GCSAML: variants seen among roughly 807,000 people sequenced by gnomAD.
The protein encoded by GCSAML is germinal center-associated signaling and motility-like protein.
A neutral mutation model predicts 13.0 loss-of-function variants in GCSAML; 9 were observed. The observed-to-expected ratio is 0.69, with a 90% CI of 0.42 to 1.21. The LOEUF (loss-of-function observed/expected upper bound fraction) is 1.21. GCSAML is among the 50% of genes most tolerant of loss of function. GCSAML has a pLI of 0.00. For synonymous variants in GCSAML, 37 were observed against 52.9 expected (o/e 0.70, Z 1.31); for missense variants, 143 against 153.4 (o/e 0.93, Z 0.36).
chr1:247,557,914 C>G (rs1668008138), intron 2 of GCSAML, among the ~76,000 whole-genome samples: 1 of 152,212 alleles, frequency 6.6e-6, no homozygotes, highest in African/African-American at 2.4e-5. Flanking sequence ...TTAACTTACG[C>G]ATAAACTAGT....
In GCSAML at chr1:247,574,894, C is replaced by T. The variant is rs1465958254; in HGVS notation, c.*512C>T. The T allele has an allele frequency of 6.1e-6, 1 of 163,046 alleles. No homozygotes were observed. Among genetic ancestry groups the T allele is most frequent in the East Asian group, 1.7e-4 (1 of 5,754 alleles). The allele number at this position is 163,046 out of a possible 1,614,324, so 10.1% of individuals were successfully genotyped here. On this transcript the variant is annotated 3_prime_UTR_variant, in exon 5 of 5. Coordinates refer to ENST00000366488, the MANE Select transcript of GCSAML (RefSeq NM_145278.5). ...TGGCAATAAGAGTCCCAATTCCAACCTGACTCTGGTGTAGATCACACACTG... is the reference window on the plus strand; with the variant it reads ...TGGCAATAAGAGTCCCAATTCCAACTTGACTCTGGTGTAGATCACACACTG...
At chr1:247,510,516 CTGAGT>C (rs1028403050) in intron 1 of GCSAML, among the ~76,000 whole-genome samples, 4 of 152,092 alleles carry the variant, frequency 2.6e-5, no homozygotes, top group Admixed American at 2.0e-4. Flanking sequence ...TAGTTCTGCT[CTGAGT>C]TATTTCTTGT....
intron 2 of GCSAML, among the ~76,000 whole-genome samples, chr1:247,561,919 G>A (rs1174480815): frequency 6.6e-6 from 1 of 152,156 alleles, no homozygotes; most frequent in African/African-American, 2.4e-5. Flanking sequence ...ACGGAGGGTT[G>A]CAGCAGGACC....
At chr1:247,557,360 GA>G (rs1181469212) in intron 2 of GCSAML, among the ~76,000 whole-genome samples, 2 of 151,570 alleles carry the variant, frequency 1.3e-5, no homozygotes, top group East Asian at 3.9e-4. Flanking sequence ...ATGGAAAAAA[GA>G]AAAAAAATGG....
intron 2 of GCSAML, among the ~76,000 whole-genome samples, chr1:247,536,669 T>C (rs1008326378): frequency 6.6e-6 from 1 of 152,228 alleles, no homozygotes; most frequent in Admixed American, 6.5e-5. Context: ...TTTCTTTCCC[T>C]ATTGGATAAT....
At chr1:247,539,976 C>G (rs1231489514) in intron 2 of GCSAML, among the ~76,000 whole-genome samples, 1 of 152,180 alleles carries the variant, frequency 6.6e-6, no homozygotes, top group East Asian at 1.9e-4. Context: ...CCTCCCTCTA[C>G]TGTAGCCTCA....
intron 1 of GCSAML, among the ~76,000 whole-genome samples, chr1:247,520,420 T>C (rs1666371527): frequency 6.6e-6 from 1 of 152,168 alleles, no homozygotes; most frequent in African/African-American, 2.4e-5. Context: ...AAGCTACAGC[T>C]GTAACATCAA....
Position 247,526,650 on chromosome 1 carries a change from T to G in GCSAML, c.-262-290T>G, listed in dbSNP as rs1666693584. ...TGCATGACCCTCACAGTGTGCAGCATGGGAGGAAACCCATACATGAAGTAG... is the reference window on the plus strand; with the variant it reads ...TGCATGACCCTCACAGTGTGCAGCAGGGGAGGAAACCCATACATGAAGTAG... On this transcript the variant is annotated intron_variant, in intron 1 of 5. Transcript: ENST00000366489. The surrounding 1 kb of genome is among the most constrained non-coding windows in gnomAD (Gnocchi z 4.8). 3.2e-6 allele frequency: 1 copy of G among 315,278 alleles called. No individual in the cohort carries two copies. Among genetic ancestry groups the G allele is most frequent in the African/African-American group, 2.2e-5 (1 of 45,918 alleles). 19.5% of individuals were successfully genotyped at this position (315,278 alleles called of 1,614,324 possible). A position where few individuals can be genotyped will look rare whatever the true frequency, so the allele number is the denominator to read the frequency against.
chr1:247,574,079 T>A, intron 4 of GCSAML, 64 bp from the exon 5 acceptor site: 1 of 1,584,806 alleles, frequency 6.3e-7, no homozygotes, highest in Non-Finnish European at 8.6e-7. Context: ...GGGAAGGTAG[T>A]ACACTGAGTT....
chr1:247,542,103 A>G (rs1667435956), intron 2 of GCSAML, among the ~76,000 whole-genome samples: 1 of 151,872 alleles, frequency 6.6e-6, no homozygotes. Context: ...ACCGCAACTA[A>G]TTTATTTTAG....
At chr1:247,556,830 GC>G (rs1349547714) in intron 2 of GCSAML, among the ~76,000 whole-genome samples, 1 of 152,018 alleles carries the variant, frequency 6.6e-6, no homozygotes, top group African/African-American at 2.4e-5. Flanking sequence ...CCTTTTCCTT[GC>G]CCGAGACCAT....
At chr1:247,552,914 C>G (rs1477060492) in intron 1 of GCSAML, among the ~76,000 whole-genome samples, 1 of 152,108 alleles carries the variant, frequency 6.6e-6, no homozygotes, top group African/African-American at 2.4e-5. Context: ...CACCACCATG[C>G]CCGTCTAAGT....
intron 4 of GCSAML, among the ~76,000 whole-genome samples, chr1:247,568,165 GC>G (rs1668460353): frequency 6.6e-6 from 1 of 152,120 alleles, no homozygotes; most frequent in African/African-American, 2.4e-5. Context: ...CCATGCAGAA[GC>G]CCTTTAGTTT....
chr1:247,515,032 C>A (rs193130381), intron 1 of GCSAML, among the ~76,000 whole-genome samples: 1 of 152,120 alleles, frequency 6.6e-6, no homozygotes, highest in African/African-American at 2.4e-5. Flanking sequence ...TTGCATTGAA[C>A]TTGTAGACTG....
chr1:247,522,511 G>T (rs1666488220), intron 1 of GCSAML, among the ~76,000 whole-genome samples: 1 of 152,198 alleles, frequency 6.6e-6, no homozygotes, highest in African/African-American at 2.4e-5. Flanking sequence ...AAATCAGACT[G>T]TGGCTGTGTC....
rs767162724 is a variant in GCSAML at position 247,549,241 on chromosome 1, C to T, written c.29+21C>T. 5 of 1,605,176 alleles carry T rather than the reference C, an allele frequency of 3.1e-6. No homozygotes were observed. In the African/African-American group the frequency reaches 6.7e-5, roughly 21 times the overall value. ...CTCAGGTGAGTCTTGACTCTTGGTGCCGCCTTTCTTGGGAGAAAGAGAACA... is the reference window on the plus strand; with the variant it reads ...CTCAGGTGAGTCTTGACTCTTGGTGTCGCCTTTCTTGGGAGAAAGAGAACA... On this transcript the variant is annotated intron_variant, in intron 1 of 4. Transcript: ENST00000366488.
Position 247,527,586 on chromosome 1 carries a change from T to C in GCSAML, c.-148+532T>C, listed in dbSNP as rs1666734165. The C allele has an allele frequency of 6.6e-6, 1 of 152,484 alleles. No individual in the cohort carries two copies. Among genetic ancestry groups the C allele is most frequent in the African/African-American group, 2.4e-5 (1 of 41,458 alleles). 9.4% of individuals were successfully genotyped at this position (152,484 alleles called of 1,614,324 possible). A position where few individuals can be genotyped will look rare whatever the true frequency, so the allele number is the denominator to read the frequency against. ...TTGAAGTTTTTCTTCAGATCTTGAA[T>C]GTTTGAAAATTTTTTTATTTTAGCT... On this transcript the variant is annotated intron_variant, in intron 2 of 5. Transcript: ENST00000366489. The surrounding 1 kb of genome is among the most constrained non-coding windows in gnomAD (Gnocchi z 4.6).
chr1:247,517,981 G>A (rs1189911773), intron 1 of GCSAML, among the ~76,000 whole-genome samples: 1 of 152,172 alleles, frequency 6.6e-6, no homozygotes, highest in Admixed American at 6.5e-5. Context: ...GGCCGTGACT[G>A]GCAACTGCAC....
At chr1:247,537,191 T>A (rs928918082) in intron 2 of GCSAML, among the ~76,000 whole-genome samples, 2 of 152,234 alleles carry the variant, frequency 1.3e-5, no homozygotes. Flanking sequence ...ATTTGCCTAT[T>A]TTGGATATTA....
Sources: allele counts gnomAD v4.1 joint callset (sites outside exome capture counted in the v4.1 genomes callset), GRCh38; gene constraint gnomAD v4.1.1; non-coding constraint Gnocchi (gnomAD v3.1); transcripts MANE v1.5; gene names NCBI Gene and HGNC (gene_info 2026-07-23, HGNC 2026-07-21).